GABPB2: variants seen among roughly 807,000 people sequenced by gnomAD.
GABPB2 encodes GA-binding protein subunit beta-2.
Under a neutral mutation model 39.1 loss-of-function variants are expected in GABPB2, and 23 were observed. The observed-to-expected ratio is 0.59, with a 90% confidence interval of 0.42 to 0.83. GABPB2 has a LOEUF of 0.83. GABPB2 is among the 40% of genes least tolerant of loss of function. The pLI, the probability that GABPB2 is intolerant of heterozygous loss-of-function variation, is 0.00. For synonymous variants in GABPB2, 184 were observed against 199.3 expected (o/e 0.92, Z 0.65); for missense variants, 467 against 541.1 (o/e 0.86, Z 1.36).
intron 7 of GABPB2, among the ~76,000 whole-genome samples, chr1:151,110,472 C>G (rs1680340698): frequency 6.6e-6 from 1 of 151,656 alleles, no homozygotes; most frequent in Admixed American, 6.6e-5. Context: ...ATAAACTATA[C>G]TACTTTTTTA....
chr1:151,117,280 C>A, intron 7 of GABPB2, 112 bp from the exon 8 acceptor site: 2 of 1,159,278 alleles, frequency 1.7e-6, no homozygotes, highest in Non-Finnish European at 2.5e-6. Flanking sequence ...AGGCACACAC[C>A]ACTGTACCCA....
intron 1 of GABPB2, among the ~76,000 whole-genome samples, chr1:151,073,842 C>A (rs1283352555): frequency 6.6e-6 from 1 of 151,752 alleles, no homozygotes. Context: ...ATCACTTGTA[C>A]CCAGGAGGCA....
At position 151,121,930 on chromosome 1, in the gene GABPB2, A is replaced by G. The variant is rs1484811639; in HGVS notation, c.*3674A>G. ...AACCAGAGGGAGATGTGCCAAGTAA[A>G]CATTCGAATGACTGTTTAGAATATG... On this transcript the variant is annotated 3_prime_UTR_variant, in exon 9 of 9. Transcript: ENST00000368918. 6.6e-6 allele frequency: 1 copy of G among 152,174 alleles called. No homozygotes were observed. Among genetic ancestry groups the G allele is most frequent in the Non-Finnish European group, 1.5e-5 (1 of 68,024 alleles). The allele number at this position is 152,174 out of a possible 1,614,324, so 9.4% of individuals were successfully genotyped here.
intron 1 of GABPB2, among the ~76,000 whole-genome samples, chr1:151,080,511 C>CTAAATAAATAAA (rs34274763): frequency 3.8e-4 from 55 of 143,738 alleles, no homozygotes; most frequent in African/African-American, 1.2e-3. Context: ...AACTCCATCT[C>CTAAATAAATAAA]TAAATAAATA....
At chr1:151,084,910 G>A (rs944488547) in intron 1 of GABPB2, among the ~76,000 whole-genome samples, 1 of 151,892 alleles carries the variant, frequency 6.6e-6, no homozygotes, top group African/African-American at 2.4e-5. Flanking sequence ...ATATAAAAGT[G>A]ATGTTGCAGA....
chr1:151,087,937 G>A (rs1678341403), intron 1 of GABPB2, among the ~76,000 whole-genome samples: 1 of 152,178 alleles, frequency 6.6e-6, no homozygotes, highest in Non-Finnish European at 1.5e-5. Flanking sequence ...AAAGGTCGTA[G>A]TGTGTTGCAG....
At chr1:151,094,836 G>A (rs1008419226) in intron 4 of GABPB2, among the ~76,000 whole-genome samples, 8 of 150,746 alleles carry the variant, frequency 5.3e-5, no homozygotes, top group East Asian at 2.0e-4. Context: ...GTGAAATCCC[G>A]TCTCTACTAA....
chr1:151,073,781 A>G (rs1012957335), intron 1 of GABPB2, among the ~76,000 whole-genome samples: 3 of 151,728 alleles, frequency 2.0e-5, no homozygotes, highest in South Asian at 2.1e-4. Flanking sequence ...TTAGCTGGGC[A>G]TGGTGGCGTG....
chr1:151,103,521 T>G (rs1454156727), intron 5 of GABPB2, 41 bp from the exon 6 acceptor site: 1 of 1,345,228 alleles, frequency 7.4e-7, no homozygotes. Context: ...CCTCAATTTT[T>G]TCTCTACATT....
chr1:151,105,785 G>A lies in GABPB2; in HGVS notation c.737-1252G>A, dbSNP rs1045034827. On this transcript the variant is annotated intron_variant, in intron 6 of 8. Coordinates refer to ENST00000368918, the MANE Select transcript of GABPB2 (RefSeq NM_144618.3). ...CTCCCAAAGTGCTGGGATTATGGGC[G>A]TGAGCCACCATACCCAGCCAGCTAT... Among the ~76,000 whole-genome samples the A allele has an allele frequency of 1.1e-4, 16 of 152,264 alleles. 1 individual carries two copies. The South Asian group carries it at 1.2e-3, about 12-fold the overall frequency.
chr1:151,074,702 G>A (rs1181932961), intron 1 of GABPB2, among the ~76,000 whole-genome samples: 1 of 152,104 alleles, frequency 6.6e-6, no homozygotes, highest in Non-Finnish European at 1.5e-5. Flanking sequence ...ACTGGTGGGA[G>A]TGTAGCAGAG....
intron 7 of GABPB2, among the ~76,000 whole-genome samples, chr1:151,116,178 G>A (rs1181302024): frequency 6.6e-6 from 1 of 152,074 alleles, no homozygotes; most frequent in Non-Finnish European, 1.5e-5. Context: ...GATCACGTGA[G>A]GTCGGGAGTT....
At chr1:151,074,051 G>A (rs1031200016) in intron 1 of GABPB2, among the ~76,000 whole-genome samples, 5 of 132,952 alleles carry the variant, frequency 3.8e-5, no homozygotes, top group South Asian at 5.0e-4. Flanking sequence ...ATCTCGGCTC[G>A]CTGCAAGCTC....
At chr1:151,078,947 C>G (rs997414609) in intron 1 of GABPB2, among the ~76,000 whole-genome samples, 2 of 151,932 alleles carry the variant, frequency 1.3e-5, no homozygotes, top group Non-Finnish European at 2.9e-5. Flanking sequence ...GCTGGGATTA[C>G]AGTCGTGAGC....
intron 3 of GABPB2, 31 bp from the exon 4 acceptor site, chr1:151,093,161 G>C: frequency 6.5e-7 from 1 of 1,527,626 alleles, no homozygotes. Flanking sequence ...TATAACCGCT[G>C]TTTGTTGAAA....
chr1:151,105,612 C>CA (rs998007179), intron 6 of GABPB2, among the ~76,000 whole-genome samples: 24 of 151,152 alleles, frequency 1.6e-4, no homozygotes, highest in African/African-American at 5.8e-4. Context: ...CTTCTGGGCT[C>CA]AAGTGATCCT....
intron 7 of GABPB2, among the ~76,000 whole-genome samples, chr1:151,114,114 C>T (rs773595613): frequency 1.3e-5 from 2 of 151,250 alleles, no homozygotes; most frequent in African/African-American, 4.9e-5. Flanking sequence ...GGGAGGACTA[C>T]GCCGGCAGAT....
intron 1 of GABPB2, among the ~76,000 whole-genome samples, chr1:151,071,641 T>C (rs1676732535): frequency 6.6e-6 from 1 of 152,088 alleles, no homozygotes; most frequent in South Asian, 2.1e-4. Context: ...GGCTAATTTT[T>C]GTATATTTTT....
At chr1:151,101,976 G>A (rs587685404) in intron 5 of GABPB2, among the ~76,000 whole-genome samples, 2 of 152,254 alleles carry the variant, frequency 1.3e-5, no homozygotes, top group East Asian at 3.9e-4. Context: ...ACTTAGCTAT[G>A]AGAATAGCAC....
Sources: gnomAD v4.1 joint callset for allele counts (sites outside exome capture counted in the v4.1 genomes callset) on GRCh38, gnomAD v4.1.1 for gene constraint, MANE v1.5 for transcripts, NCBI Gene and HGNC (gene_info 2026-07-23, HGNC 2026-07-21) for gene names.